The following ABCB9 variants were observed in gnomAD, a reference collection of about 807,000 sequenced individuals.
ABCB9 encodes the protein ATP binding cassette subfamily B member 9, also known as ABC-type oligopeptide transporter ABCB9.
ABCB9 carries 36 observed loss-of-function variants against 62.0 expected under a neutral mutation model. That is an observed-to-expected ratio of 0.58 (90% CI 0.45 to 0.77). The LOEUF (loss-of-function observed/expected upper bound fraction) is 0.77. ABCB9 is among the 30% of genes least tolerant of loss of function. ABCB9 has a pLI of 0.00. For missense variants in ABCB9, 943 were observed against 1,054.7 expected (o/e 0.89, Z 1.47); for synonymous variants, 435 against 461.4 (o/e 0.94, Z 0.73).
intron 1 of ABCB9, 133 bp downstream of exon 1, chr12:122,966,154 G>A (rs547362090): frequency 2.6e-5 from 4 of 152,498 alleles, no homozygotes; most frequent in Admixed American, 1.3e-4. Context: ...GCTCCAGGGA[G>A]GCTCCCACCT....
Position 122,932,472 on chromosome 12 carries a change from C to T in ABCB9, c.1904-144G>A. 8.8e-7 allele frequency: 1 copy of T among 1,133,314 alleles called. No homozygotes were observed. Among genetic ancestry groups the T allele is most frequent in the South Asian group, 1.7e-5 (1 of 60,568 alleles). The allele number at this position is 1,133,314 out of a possible 1,614,324, so 70.2% of individuals were successfully genotyped here. ...AGCTCATGAAATGATGTTCCCCCCACCCAACTCATAAGGGGCATGCAGATT... is the reference window on the plus strand; with the variant it reads ...AGCTCATGAAATGATGTTCCCCCCATCCAACTCATAAGGGGCATGCAGATT... On this transcript the variant is annotated intron_variant, in intron 10 of 11. Transcript: ENST00000280560. The surrounding 1 kb of genome is among the most constrained non-coding windows in gnomAD (Gnocchi z 4.7).
At chr12:122,971,624 G>T (rs755160228) in intron 1 of ABCB9, among the ~76,000 whole-genome samples, 1 of 151,774 alleles carries the variant, frequency 6.6e-6, no homozygotes, top group African/African-American at 2.4e-5. Flanking sequence ...GCTAATTTTC[G>T]TATTTTTCAT....
chr12:122,925,065 T>C (rs1167652232), downstream of ABCB9, among the ~76,000 whole-genome samples: 1 of 152,042 alleles, frequency 6.6e-6, no homozygotes, highest in Non-Finnish European at 1.5e-5. Flanking sequence ...CACAGGTGTG[T>C]GCCACCATGC....
At chr12:122,939,981 T>C in intron 9 of ABCB9, 130 bp downstream of exon 9, 1 of 1,215,052 alleles carries the variant, frequency 8.2e-7, no homozygotes, top group Non-Finnish European at 1.1e-6. Flanking sequence ...AGGAGGGCAT[T>C]GTAATTGGTG....
Position 122,932,512 on chromosome 12 carries a change from A to C in ABCB9, c.1904-184T>G, listed in dbSNP as rs1481038529. Among the ~76,000 whole-genome samples, 1 of 152,200 alleles carries C rather than the reference A, an allele frequency of 6.6e-6. No homozygotes were observed. The highest frequency in any genetic ancestry group is 1.5e-5 in the Non-Finnish European group (1 of 68,022). On this transcript the variant is annotated intron_variant, in intron 10 of 11. Coordinates refer to ENST00000280560, the MANE Select transcript of ABCB9 (RefSeq NM_019625.4). This position sits in a 1 kb window ranked among gnomAD's most constrained non-coding sequence, Gnocchi z 4.7. Reference sequence around the variant, plus strand: ...GCATGCAGATTAAGCCTACATGCAAATTGATAGCAAGTTACCAATTTTCAC... The same window carrying C: ...GCATGCAGATTAAGCCTACATGCAACTTGATAGCAAGTTACCAATTTTCAC...
At chr12:122,948,427 G>A in intron 5 of ABCB9, 197 bp downstream of exon 5, 1 of 541,242 alleles carries the variant, frequency 1.8e-6, no homozygotes, top group Admixed American at 3.8e-5. Context: ...CTTTTTCACT[G>A]ATGTATCCCA....
intron 7 of ABCB9, among the ~76,000 whole-genome samples, chr12:122,943,469 G>T (rs1459641059): frequency 6.6e-6 from 1 of 152,158 alleles, no homozygotes; most frequent in Non-Finnish European, 1.5e-5. Context: ...CTGGCCCTGA[G>T]CCCCGTTCCC....
upstream of ABCB9, among the ~76,000 whole-genome samples, chr12:122,967,588 A>G (rs372689357): frequency 3.0e-4 from 46 of 152,276 alleles, no homozygotes; most frequent in East Asian, 3.1e-3. Context: ...TCCCAGCTTC[A>G]AGTGATTCTC....
At chr12:122,926,950 T>G (rs1191994425), downstream of ABCB9, among the ~76,000 whole-genome samples, 1 of 152,142 alleles carries the variant, frequency 6.6e-6, no homozygotes, top group African/African-American at 2.4e-5. Context: ...AAATGTAATG[T>G]GGGACACTGG....
In ABCB9 at chr12:122,964,954, C is replaced by T. The variant is rs2037095800; in HGVS notation, c.-88+1333G>A. ...ATCAGCTGCAGAGAAGGCCAGAAGA[C>T]GATAGATAGCAGTTATTATGACGCT... On this transcript the variant is annotated intron_variant, in intron 1 of 11. Transcript: ENST00000280560. The surrounding 1 kb of genome is among the most constrained non-coding windows in gnomAD (Gnocchi z 4.7). 1.3e-5 allele frequency among the ~76,000 whole-genome samples: 2 copies of T among 152,150 alleles called. No homozygotes were observed. Among genetic ancestry groups the T allele is most frequent in the South Asian group, 4.1e-4 (2 of 4,832 alleles).
downstream of ABCB9, chr12:122,928,932 TG>T: frequency 1.1e-6 from 1 of 895,634 alleles, no homozygotes; most frequent in Non-Finnish European, 1.3e-6. Context: ...AGGAGAGCCG[TG>T]GTCTGGTGGA....
Position 122,948,754 on chromosome 12 carries a change from AG to A in ABCB9, c.922del (p.Leu308CysfsTer33). On this transcript the variant is annotated frameshift_variant, in exon 5 of 12. Coordinates refer to ENST00000280560, the MANE Select transcript of ABCB9 (RefSeq NM_019625.4). LOFTEE classifies it high-confidence loss of function. ...DLVSQNINVF[L>X]RNTVKVTGVV... is the part of the protein sequence containing the mutation. ...GCCCGTGACCTTGACTGTGTTCCGC[AG>A]GAAGACATTGATGTTCTGGGAGACC... 6.2e-7 allele frequency: 1 copy of A among 1,612,570 alleles called. No homozygotes were observed. Among genetic ancestry groups the A allele is most frequent in the Non-Finnish European group, 8.5e-7 (1 of 1,179,208 alleles).
intron 1 of ABCB9, among the ~76,000 whole-genome samples, chr12:122,965,009 G>A (rs2037098689): frequency 6.6e-6 from 1 of 152,128 alleles, no homozygotes; most frequent in Non-Finnish European, 1.5e-5. Flanking sequence ...GAGAAGGCCA[G>A]GAGACAATAG....
chr12:122,944,634 T>C lies in ABCB9; in HGVS notation c.1252-115A>G. On this transcript the variant is annotated intron_variant, in intron 6 of 11. Transcript: ENST00000280560. This position sits in a 1 kb window ranked among gnomAD's most constrained non-coding sequence, Gnocchi z 4.9. ...GGTGAGGGCAGACCCAGCCACAAAC[T>C]GAAATGCCGGCCGTTGGCAGGGGTG... The C allele has an allele frequency of 6.9e-7, 1 of 1,448,360 alleles. No homozygotes were observed. The highest frequency in any genetic ancestry group is 9.3e-7 in the Non-Finnish European group (1 of 1,078,744). 89.7% of individuals were successfully genotyped at this position (1,448,360 alleles called of 1,614,324 possible).
downstream of ABCB9, among the ~76,000 whole-genome samples, chr12:122,920,098 C>A (rs771410959): frequency 1.6e-4 from 25 of 151,984 alleles, no homozygotes; most frequent in Non-Finnish European, 1.0e-4. Flanking sequence ...CCAGGCTGGT[C>A]TCCAACTCCT....
rs760589985 is a variant in ABCB9, at chr12:122,959,737, C to T, written c.499G>A (p.Glu167Lys). ...TGCAGCGTGGCCCCAGACGCCTGCT[C>T]GGGCGGTGGCCGGCCGCTCCCAGGG... ...GFPGSGRPPP[E>K]QASGATLQKL... Residue 167 changes from glutamate to lysine, a missense_variant, in exon 2 of 12, where the codon GAG becomes AAG. Physicochemically the swap from Glu to Lys is moderately conservative, Grantham distance 56. Coordinates refer to ENST00000280560, the MANE Select transcript of ABCB9 (RefSeq NM_019625.4). This position sits in a 1 kb window ranked among gnomAD's most constrained non-coding sequence, Gnocchi z 5.4. 9 of 1,611,174 alleles carry T rather than the reference C, an allele frequency of 5.6e-6. No individual in the cohort carries two copies. Among genetic ancestry groups the T allele is most frequent in the Admixed American group, 1.7e-5 (1 of 59,900 alleles).
downstream of ABCB9, among the ~76,000 whole-genome samples, chr12:122,919,902 T>C (rs1020743759): frequency 1.3e-5 from 2 of 148,946 alleles, no homozygotes; most frequent in Non-Finnish European, 1.5e-5. Flanking sequence ...TATTTATTTA[T>C]TTATTTATTT....
At chr12:122,974,120 T>G in intron 1 of ABCB9, among the ~76,000 whole-genome samples, 1 of 147,982 alleles carries the variant, frequency 6.8e-6, no homozygotes, top group South Asian at 2.2e-4. Flanking sequence ...GGGGTGAGGG[T>G]GGGGTGGGGT....
rs746915160 is a variant in ABCB9, at chr12:122,947,387, G to A, written c.1054-1165C>T. 17 of 395,046 alleles carry A rather than the reference G, an allele frequency of 4.3e-5. No homozygotes were observed. Among genetic ancestry groups the A allele is most frequent in the East Asian group, 7.5e-5 (1 of 13,378 alleles). The allele number at this position is 395,046 out of a possible 1,614,324, so 24.5% of individuals were successfully genotyped here. A position where few individuals can be genotyped will look rare whatever the true frequency, so the allele number is the denominator to read the frequency against. On this transcript the variant is annotated intron_variant, in intron 5 of 11. Coordinates refer to ENST00000280560, the MANE Select transcript of ABCB9 (RefSeq NM_019625.4). This position sits in a 1 kb window ranked among gnomAD's most constrained non-coding sequence, Gnocchi z 6.0. ...GAAGACTGTGGGGAGTGGCCTCACCGGGGGCTGGGTGGGAGATGGCTTCCT... is the reference window on the plus strand; with the variant it reads ...GAAGACTGTGGGGAGTGGCCTCACCAGGGGCTGGGTGGGAGATGGCTTCCT...
Sources: gnomAD v4.1 joint callset for allele counts (sites outside exome capture counted in the v4.1 genomes callset) on GRCh38, gnomAD v4.1.1 for gene constraint, Gnocchi (gnomAD v3.1) non-coding constraint, MANE v1.5 for transcripts, NCBI Gene and HGNC (gene_info 2026-07-23, HGNC 2026-07-21) for gene names.